Variants in NAV2 observed in about 807,000 individuals in gnomAD.
NAV2 encodes the protein helicase, APC down-regulated 1.
Under a neutral mutation model 223.2 loss-of-function variants are expected in NAV2, and 54 were observed. The ratio of observed to expected loss-of-function variants is 0.24; its 90% CI spans 0.19 to 0.30. NAV2 has a LOEUF of 0.30. Ranked by LOEUF, NAV2 falls within the 10% of genes least tolerant of loss-of-function variation. The pLI, the probability that NAV2 is intolerant of heterozygous loss-of-function variation, is 1.00. For missense variants in NAV2, 2,806 were observed against 3,147.5 expected (o/e 0.89, Z 2.60); for synonymous variants, 1,279 against 1,239.3 (o/e 1.03, Z -0.67).
intron 1 of NAV2, among the ~76,000 whole-genome samples, chr11:19,761,082 G>T (rs1466186626): frequency 6.6e-6 from 1 of 152,216 alleles, no homozygotes; most frequent in Non-Finnish European, 1.5e-5. Flanking sequence ...GTCTGAAACA[G>T]CTGGTGGGGA....
chr11:19,616,736 G>A (rs1475542600), intron 1 of NAV2, among the ~76,000 whole-genome samples: 1 of 151,890 alleles, frequency 6.6e-6, no homozygotes, highest in African/African-American at 2.4e-5. Context: ...AGTGGTGAGA[G>A]GGCTCTCAGC....
intron 1 of NAV2, among the ~76,000 whole-genome samples, chr11:19,658,231 C>A (rs943733655): frequency 1.3e-5 from 2 of 152,080 alleles, no homozygotes; most frequent in Admixed American, 1.3e-4. Flanking sequence ...TAGGATCACA[C>A]AGCGAGTAAG....
chr11:19,379,309 G>T (rs1183748497), intron 1 of NAV2, among the ~76,000 whole-genome samples: 1 of 152,140 alleles, frequency 6.6e-6, no homozygotes, highest in Admixed American at 6.5e-5. Context: ...AAGTCAGAGG[G>T]GTCAGAGAGA....
chr11:19,421,781 T>TTG, intron 1 of NAV2, among the ~76,000 whole-genome samples: 1 of 147,890 alleles, frequency 6.8e-6, no homozygotes, highest in South Asian at 2.2e-4. Flanking sequence ...TTTTTTTTTT[T>TTG]TTTTTTGCCC....
chr11:19,497,477 T>A (rs189696035), intron 1 of NAV2, among the ~76,000 whole-genome samples: 32 of 152,296 alleles, frequency 2.1e-4, no homozygotes, highest in African/African-American at 7.5e-4. Flanking sequence ...AATGTGAGTG[T>A]GGGAGCCTCC....
chr11:20,004,106 G>C (rs1459097076), intron 11 of NAV2, among the ~76,000 whole-genome samples: 1 of 152,134 alleles, frequency 6.6e-6, no homozygotes, highest in Non-Finnish European at 1.5e-5. Flanking sequence ...TTAAACTCCA[G>C]AGATGGAGAC....
intron 1 of NAV2, among the ~76,000 whole-genome samples, chr11:19,739,062 T>C (rs991117343): frequency 5.3e-5 from 8 of 152,186 alleles, no homozygotes; most frequent in Non-Finnish European, 1.2e-4. Flanking sequence ...ACGCCTGTGG[T>C]CTCAGCTACT....
chr11:19,353,374 G>C (rs1305400487), intron 1 of NAV2, among the ~76,000 whole-genome samples: 2 of 152,204 alleles, frequency 1.3e-5, no homozygotes, highest in East Asian at 3.8e-4. Context: ...GAAATGGCTA[G>C]TTTAGGGCCA....
Position 19,726,767 on chromosome 11 carries a change from T to C in NAV2, c.267+12805T>C, listed in dbSNP as rs146733910. On this transcript the variant is annotated intron_variant, in intron 1 of 37. Transcript: ENST00000349880. ...TGTTAGAAATGCAGAATCCCAGGCC[T>C]TGCCCCAGACCTGCTGAATCAACAT... is the stretch of plus-strand genomic sequence containing the variant. Among the ~76,000 whole-genome samples, 477 of 152,372 alleles carry C rather than the reference T, an allele frequency of 3.1e-3. 2 individuals are homozygous for C. The highest frequency in any genetic ancestry group is 0.011 in the African/African-American group (447 of 41,578).
At chr11:19,744,517 T>A (rs1169838977) in intron 1 of NAV2, among the ~76,000 whole-genome samples, 4 of 152,176 alleles carry the variant, frequency 2.6e-5, no homozygotes, top group Admixed American at 6.5e-5. Context: ...ATTAGTTCTC[T>A]GCTTATGGCT....
Position 20,083,078 on chromosome 11 carries a change from T to C in NAV2, c.5397T>C (p.Ile1799=), listed in dbSNP as rs2060190391. The C allele has an allele frequency of 6.2e-7, 1 of 1,613,986 alleles. No individual in the cohort carries two copies. The highest frequency in any genetic ancestry group is 1.7e-5 in the Admixed American group (1 of 60,000). ...SPKSASSHSD[I]EEMTDSSLPS... ...AATCTGCGTCCTCTCATTCAGATAT[T>C]GAGGAGATGACGGATTCTTCTTTGC... is the stretch of plus-strand genomic sequence containing the variant. The change falls in exon 26 of 38, where the codon ATT becomes ATC. Residue 1799 remains isoleucine (I), a synonymous_variant. Transcript: ENST00000349880.
intron 5 of NAV2, among the ~76,000 whole-genome samples, chr11:19,888,036 T>G (rs1380316576): frequency 6.6e-6 from 1 of 151,924 alleles, no homozygotes; most frequent in African/African-American, 2.4e-5. Flanking sequence ...AATGACAGTT[T>G]TACTGCTCTG....
At chr11:19,955,742 G>C (rs1045849775) in intron 10 of NAV2, among the ~76,000 whole-genome samples, 1 of 152,202 alleles carries the variant, frequency 6.6e-6, no homozygotes, top group African/African-American at 2.4e-5. Flanking sequence ...CTGAATCAAA[G>C]GGGGTAGATT....
chr11:20,039,868 C>A (rs1035950386), intron 12 of NAV2, among the ~76,000 whole-genome samples: 1 of 152,166 alleles, frequency 6.6e-6, no homozygotes, highest in African/African-American at 2.4e-5. Flanking sequence ...GGCAAGGATT[C>A]CTGTCTTGTG....
intron 1 of NAV2, among the ~76,000 whole-genome samples, chr11:19,656,237 T>A (rs1466409113): frequency 6.6e-5 from 10 of 152,150 alleles, no homozygotes; most frequent in Non-Finnish European, 1.3e-4. Flanking sequence ...GGAGAAGAGC[T>A]GCAGGAGGCG....
At chr11:20,111,067 T>C (rs1307574471) in intron 36 of NAV2, among the ~76,000 whole-genome samples, 1 of 152,160 alleles carries the variant, frequency 6.6e-6, no homozygotes, top group Non-Finnish European at 1.5e-5. Context: ...TATCGCCCTC[T>C]AGTGAGCATA....
intron 12 of NAV2, among the ~76,000 whole-genome samples, chr11:20,040,848 G>A (rs1292673569): frequency 6.6e-6 from 1 of 152,198 alleles, no homozygotes; most frequent in African/African-American, 2.4e-5. Context: ...GGAACAGAGA[G>A]GCTGGGACTT....
At chr11:19,652,895 TG>T (rs1202054170) in intron 1 of NAV2, among the ~76,000 whole-genome samples, 4 of 152,252 alleles carry the variant, frequency 2.6e-5, no homozygotes, top group African/African-American at 9.6e-5. Context: ...TTTCATAGTT[TG>T]CATGGACTAC....
chr11:19,487,057 G>A (rs2042467603), intron 1 of NAV2, among the ~76,000 whole-genome samples: 1 of 152,148 alleles, frequency 6.6e-6, no homozygotes, highest in South Asian at 2.1e-4. Flanking sequence ...TAGGGCTCAG[G>A]CACATTACCT....
Sources: gnomAD v4.1 joint callset for allele counts (sites outside exome capture counted in the v4.1 genomes callset) on GRCh38, gnomAD v4.1.1 for gene constraint, MANE v1.5 for transcripts, NCBI Gene and HGNC (gene_info 2026-07-23, HGNC 2026-07-21) for gene names.